B3GALNT1: variants seen among roughly 807,000 people sequenced by gnomAD.
B3GALNT1 encodes the protein UDP-GalNAc:beta-1,3-N-acetylgalactosaminyltransferase 1.
In B3GALNT1, 17 loss-of-function variants were observed where a neutral mutation model predicts 27.3. The ratio of observed to expected loss-of-function variants is 0.62; its 90% CI spans 0.43 to 0.94. B3GALNT1 has a LOEUF of 0.94. Among genes scored for constraint, B3GALNT1 ranks in the 40% least tolerant of loss-of-function variants. The pLI, the probability that B3GALNT1 is intolerant of heterozygous loss-of-function variation, is 0.00. For missense variants in B3GALNT1, 347 were observed against 390.0 expected (o/e 0.89, Z 0.93); for synonymous variants, 141 against 144.0 (o/e 0.98, Z 0.15).
intron 4 of B3GALNT1, among the ~76,000 whole-genome samples, chr3:161,091,633 C>T (rs1559983227): frequency 6.6e-6 from 1 of 152,184 alleles, no homozygotes; most frequent in East Asian, 1.9e-4. Context: ...CTTATTTTAC[C>T]TAATAATGGC....
intron 4 of B3GALNT1, among the ~76,000 whole-genome samples, chr3:161,092,241 G>A (rs1725501475): frequency 6.6e-6 from 1 of 152,126 alleles, no homozygotes. Flanking sequence ...ATAAAAGTTG[G>A]TATGTCTTCC....
At chr3:161,096,439 T>C (rs1251215700) in intron 4 of B3GALNT1, among the ~76,000 whole-genome samples, 2 of 152,240 alleles carry the variant, frequency 1.3e-5, no homozygotes, top group Admixed American at 1.3e-4. Flanking sequence ...TGCAACATTC[T>C]AACTTTTCTT....
chr3:161,102,667 G>A (rs1164038003), intron 3 of B3GALNT1, among the ~76,000 whole-genome samples: 1 of 152,170 alleles, frequency 6.6e-6, no homozygotes, highest in Admixed American at 6.5e-5. Flanking sequence ...TGTTGTGCAA[G>A]GTCATTAAGA....
chr3:161,101,045 A>G (rs564559820), intron 4 of B3GALNT1, 94 bp downstream of exon 4: 126 of 937,408 alleles, frequency 1.3e-4, no homozygotes, highest in Middle Eastern at 4.0e-4. Flanking sequence ...CTGCCAGGGC[A>G]CAGTGCCCCA....
rs1379490498 is a variant in B3GALNT1 at position 161,085,732 on chromosome 3, C to T, written c.*27G>A. 1 of 1,611,730 alleles carries T rather than the reference C, an allele frequency of 6.2e-7. No homozygotes were observed. Among genetic ancestry groups the T allele is most frequent in the African/African-American group, 1.3e-5 (1 of 74,872 alleles). On this transcript the variant is annotated 3_prime_UTR_variant, in exon 5 of 5. Transcript: ENST00000320474. The stretch of plus-strand genomic sequence containing the variant: ...AACACTTTCCACAAAGTATCCTGTC[C>T]TTCTAGGCTTTTTGTAGAATGTGAA...
intron 4 of B3GALNT1, among the ~76,000 whole-genome samples, chr3:161,087,887 C>T (rs189897653): frequency 2.0e-5 from 3 of 152,236 alleles, no homozygotes; most frequent in East Asian, 1.9e-4. Flanking sequence ...CCCAAGACAA[C>T]GTATAAACAT....
At chr3:161,099,326 C>A (rs1729921752) in intron 4 of B3GALNT1, among the ~76,000 whole-genome samples, 1 of 152,110 alleles carries the variant, frequency 6.6e-6, no homozygotes. Flanking sequence ...TAATTACAAT[C>A]CAAAAGGTTT....
chr3:161,085,673 TC>T lies in B3GALNT1; in HGVS notation c.*85del. On this transcript the variant is annotated 3_prime_UTR_variant, in exon 5 of 5. Transcript: ENST00000320474. ...TTCAGTGTAAGCCAGCACACTGACC[TC>T]CCCATGAATTTTCCACAGTACCTAC... The T allele has an allele frequency of 6.8e-7, 1 of 1,461,074 alleles. No individual in the cohort carries two copies. Among genetic ancestry groups the T allele is most frequent in the Non-Finnish European group, 9.6e-7 (1 of 1,042,950 alleles). 90.5% of individuals were successfully genotyped at this position (1,461,074 alleles called of 1,614,324 possible). A position where few individuals can be genotyped will look rare whatever the true frequency, so the allele number is the denominator to read the frequency against.
rs1405401786 is a variant in B3GALNT1, at chr3:161,103,455, T to G, written c.-158A>C. ...TGGAATTCCAGATGAAATTAAAGCTTAAGTTTTTTGTTGTTTTCTGTATTC... is the reference window on the plus strand; with the variant it reads ...TGGAATTCCAGATGAAATTAAAGCTGAAGTTTTTTGTTGTTTTCTGTATTC... On this transcript the variant is annotated 5_prime_UTR_variant, in exon 3 of 5. An upstream open reading frame in the 5' UTR loses its in-frame stop. Coordinates refer to ENST00000320474, the MANE Select transcript of B3GALNT1 (RefSeq NM_003781.4). The G allele has an allele frequency of 1.6e-6, 2 of 1,279,332 alleles. No homozygotes were observed. The highest frequency in any genetic ancestry group is 2.0e-6 in the Non-Finnish European group (2 of 979,898). The allele number at this position is 1,279,332 out of a possible 1,614,324, so 79.2% of individuals were successfully genotyped here.
chr3:161,088,773 G>A (rs1723409171), intron 4 of B3GALNT1, among the ~76,000 whole-genome samples: 1 of 152,198 alleles, frequency 6.6e-6, no homozygotes, highest in East Asian at 1.9e-4. Context: ...AAAAACAGAA[G>A]GCAAGTGTTG....
At position 161,083,999 on chromosome 3, in the gene B3GALNT1, C is replaced by G. The variant is rs985248404; in HGVS notation, c.*1760G>C. The G allele has an allele frequency of 2.0e-5, 3 of 152,190 alleles. No homozygotes were observed. The highest frequency in any genetic ancestry group is 4.4e-5 in the Non-Finnish European group (3 of 68,040). The allele number at this position is 152,190 out of a possible 1,614,324, so 9.4% of individuals were successfully genotyped here. On this transcript the variant is annotated 3_prime_UTR_variant, in exon 5 of 5. Coordinates refer to ENST00000320474, the MANE Select transcript of B3GALNT1 (RefSeq NM_003781.4). ...ACTGGCAGTGTAGTAGGTTTGTTTA[C>G]ACCAGCATCTCCACAGACACGTGAG...
At chr3:161,089,133 G>C (rs958889824) in intron 4 of B3GALNT1, among the ~76,000 whole-genome samples, 11 of 152,104 alleles carry the variant, frequency 7.2e-5, no homozygotes, top group African/African-American at 2.7e-4. Context: ...AGGATGAATG[G>C]GTATGTTATG....
In B3GALNT1 at chr3:161,101,167, G is replaced by T. The variant is rs781700898; in HGVS notation, c.-63C>A. 2.4e-5 allele frequency: 31 copies of T among 1,289,870 alleles called. 2 individuals carry two copies. The South Asian group carries it at 3.8e-4, about 16-fold the overall frequency. The allele number at this position is 1,289,870 out of a possible 1,614,324, so 79.9% of individuals were successfully genotyped here. ...TACACTCGGGGTGAGTAGTCGGAGA[G>T]CACCACGTGATAGAGCAGCCAGCGG... On this transcript the variant is annotated 5_prime_UTR_variant, in exon 4 of 5. Coordinates refer to ENST00000320474, the MANE Select transcript of B3GALNT1 (RefSeq NM_003781.4).
chr3:161,094,325 CA>C (rs1412723066), intron 4 of B3GALNT1, among the ~76,000 whole-genome samples: 1 of 152,180 alleles, frequency 6.6e-6, no homozygotes, highest in African/African-American at 2.4e-5. Context: ...ACCTGAAATA[CA>C]AATTTTTAAC....
At chr3:161,099,091 C>A (rs1343119232) in intron 4 of B3GALNT1, among the ~76,000 whole-genome samples, 1 of 152,136 alleles carries the variant, frequency 6.6e-6, no homozygotes, top group East Asian at 1.9e-4. Flanking sequence ...GTTCAAGAAA[C>A]ATTTCTTGGG....
chr3:161,101,154 G>C lies in B3GALNT1; in HGVS notation c.-50C>G, dbSNP rs1301336414. On this transcript the variant is annotated 5_prime_UTR_variant, in exon 4 of 5. Coordinates refer to ENST00000320474, the MANE Select transcript of B3GALNT1 (RefSeq NM_003781.4). ...GCAGACACACCTTTACACTCGGGGTGAGTAGTCGGAGAGCACCACGTGATA... is the reference window on the plus strand; with the variant it reads ...GCAGACACACCTTTACACTCGGGGTCAGTAGTCGGAGAGCACCACGTGATA... 3.1e-6 allele frequency: 4 copies of C among 1,289,702 alleles called. No individual in the cohort carries two copies. Among genetic ancestry groups the C allele is most frequent in the Non-Finnish European group, 4.0e-6 (4 of 988,836 alleles). 79.9% of individuals were successfully genotyped at this position (1,289,702 alleles called of 1,614,324 possible). A position where few individuals can be genotyped will look rare whatever the true frequency, so the allele number is the denominator to read the frequency against.
At chr3:161,096,945 C>T (rs1394081962) in intron 4 of B3GALNT1, among the ~76,000 whole-genome samples, 1 of 152,122 alleles carries the variant, frequency 6.6e-6, no homozygotes, top group Non-Finnish European at 1.5e-5. Context: ...ATACGTGCTG[C>T]CAAAGCGAGC....
intron 3 of B3GALNT1, among the ~76,000 whole-genome samples, chr3:161,102,749 T>C (rs34501729): frequency 0.028 from 4,228 of 152,224 alleles, 208 homozygotes; most frequent in African/African-American, 0.098. Context: ...GTTTACCCCA[T>C]AGCGAGCAAC....
intron 4 of B3GALNT1, among the ~76,000 whole-genome samples, chr3:161,089,324 TC>T (rs1229232309): frequency 6.6e-6 from 1 of 152,204 alleles, no homozygotes; most frequent in Non-Finnish European, 1.5e-5. Context: ...CTAAAATGAT[TC>T]TTACTGTCAA....
Sources: gnomAD v4.1 joint callset for allele counts (sites outside exome capture counted in the v4.1 genomes callset) on GRCh38, gnomAD v4.1.1 for gene constraint, MANE v1.5 for transcripts, NCBI Gene and HGNC (gene_info 2026-07-23, HGNC 2026-07-21) for gene names.